Variants in RDX observed in about 807,000 individuals in gnomAD.
RDX encodes the protein radixin, also known as deafness, autosomal recessive 24.
In RDX, 32 loss-of-function variants were observed where a neutral mutation model predicts 83.7. That is an observed-to-expected ratio of 0.38 (90% CI 0.29 to 0.51). The LOEUF (loss-of-function observed/expected upper bound fraction) is 0.51. RDX is among the 20% of genes least tolerant of loss of function. RDX has a pLI of 0.87. For synonymous variants in RDX, 229 were observed against 222.7 expected, an observed-to-expected ratio of 1.03 and a Z score of -0.25; for missense variants, 600 against 689.9, an observed-to-expected ratio of 0.87 and a Z score of 1.46.
At chr11:110,269,307 G>A (rs879291664) in intron 3 of RDX, among the ~76,000 whole-genome samples, 10 of 152,022 alleles carry the variant, frequency 6.6e-5, no homozygotes, top group African/African-American at 1.2e-4. Context: ...TTCTTTCACC[G>A]TAACAGATGT....
Position 110,237,538 on chromosome 11 carries a change from G to C in RDX, c.1205C>G (p.Ala402Gly). 1 of 1,613,182 alleles carries C rather than the reference G, an allele frequency of 6.2e-7. No individual in the cohort carries two copies. Among genetic ancestry groups the C allele is most frequent in the South Asian group, 1.1e-5 (1 of 91,044 alleles). Reference protein sequence around the residue: ...ERRAAEEAKSAIAKQAADQMK... With the variant: ...ERRAAEEAKSGIAKQAADQMK... ...CTGGTCGGCAGCTTGTTTTGCTATGGCAGACTTTGCCTCTTCAGCAGCTCG... is the reference window on the plus strand; with the variant it reads ...CTGGTCGGCAGCTTGTTTTGCTATGCCAGACTTTGCCTCTTCAGCAGCTCG... Residue 402 changes from alanine to glycine, a missense_variant, in exon 11 of 14, where the codon GCC (alanine) becomes GGC (glycine). By Grantham distance (60) the Ala-to-Gly change is moderately conservative (BLOSUM62 0). Coordinates refer to ENST00000645495, the MANE Select transcript of RDX (RefSeq NM_002906.4).
chr11:110,289,599 G>A (rs1861130649), intron 1 of RDX, among the ~76,000 whole-genome samples: 1 of 151,992 alleles, frequency 6.6e-6, no homozygotes, highest in Admixed American at 6.6e-5. Flanking sequence ...GATTTTCTAT[G>A]TTCCCATTCT....
At chr11:110,234,977 C>G (rs1322470449) in intron 12 of RDX, among the ~76,000 whole-genome samples, 1 of 152,024 alleles carries the variant, frequency 6.6e-6, no homozygotes, top group African/African-American at 2.4e-5. Flanking sequence ...TATATTCCCC[C>G]ACTCTCCAAC....
chr11:110,215,074 C>T (rs933212118), intron 14 of RDX, among the ~76,000 whole-genome samples: 4 of 145,928 alleles, frequency 2.7e-5, no homozygotes, highest in African/African-American at 1.0e-4. Flanking sequence ...ATATATAATG[C>T]TTTCGGCTGG....
chr11:110,241,047 C>T (rs1865074874), intron 10 of RDX, among the ~76,000 whole-genome samples: 1 of 99,622 alleles, frequency 1.0e-5, no homozygotes, highest in Non-Finnish European at 1.9e-5. Context: ...CAGAGTGAGA[C>T]TCTGTCTCCA....
At chr11:110,192,802 A>G (rs534712928) in intron 15 of RDX, among the ~76,000 whole-genome samples, 1 of 152,278 alleles carries the variant, frequency 6.6e-6, no homozygotes, top group East Asian at 1.9e-4. Context: ...GCAAATCAAA[A>G]CCACAATGAG....
In RDX at chr11:110,231,737, C is replaced by G. The variant is rs1182716630; in HGVS notation, c.*132G>C. On this transcript the variant is annotated 3_prime_UTR_variant, in exon 14 of 14. Transcript: ENST00000645495. Reference sequence around the variant, plus strand: ...GTTGAAGAGCTCCCCTTAAATTTGTCTTTTAGCTAGCACAGTCAAACTGGT... The same window carrying G: ...GTTGAAGAGCTCCCCTTAAATTTGTGTTTTAGCTAGCACAGTCAAACTGGT... 1.0e-6 allele frequency: 1 copy of G among 983,386 alleles called. No homozygotes were observed. Among genetic ancestry groups the G allele is most frequent in the Admixed American group, 1.7e-5 (1 of 58,614 alleles). 60.9% of individuals were successfully genotyped at this position (983,386 alleles called of 1,614,324 possible).
chr11:110,272,229 T>G (rs975093571), intron 3 of RDX, among the ~76,000 whole-genome samples: 2 of 152,238 alleles, frequency 1.3e-5, no homozygotes, highest in Admixed American at 6.5e-5. Context: ...TTCCTACTCA[T>G]TTCACTCAAC....
intron 2 of RDX, among the ~76,000 whole-genome samples, chr11:110,275,684 T>G (rs1302200278): frequency 1.3e-5 from 2 of 152,184 alleles, no homozygotes; most frequent in African/African-American, 4.8e-5. Flanking sequence ...GTTCGTCATT[T>G]TACTTTCTCC....
intron 14 of RDX, among the ~76,000 whole-genome samples, chr11:110,203,792 A>T (rs1173204541): frequency 6.6e-6 from 1 of 152,178 alleles, no homozygotes; most frequent in African/African-American, 2.4e-5. Flanking sequence ...TGCGTTTAAT[A>T]AATTTAAAAC....
At chr11:110,261,317 T>C (rs1291559184) in intron 5 of RDX, among the ~76,000 whole-genome samples, 3 of 152,244 alleles carry the variant, frequency 2.0e-5, no homozygotes, top group Non-Finnish European at 4.4e-5. Context: ...ACCTGGTATG[T>C]AAAAGTTTAT....
chr11:110,283,583 G>A (rs922028122), intron 1 of RDX, among the ~76,000 whole-genome samples: 1 of 152,152 alleles, frequency 6.6e-6, no homozygotes, highest in Non-Finnish European at 1.5e-5. Context: ...AAAGAAAGGA[G>A]AAGCAGTGGC....
chr11:110,191,128 G>C (rs1863096958), intron 15 of RDX, among the ~76,000 whole-genome samples: 1 of 152,044 alleles, frequency 6.6e-6, no homozygotes, highest in Admixed American at 6.6e-5. Flanking sequence ...ACCTGGCAAA[G>C]ACACAACAAA....
In RDX at chr11:110,260,364, G is replaced by C. The variant is rs1591161418; in HGVS notation, c.468-2175C>G. ...AGTTCTCCTCATATTTGACCTCTTG[G>C]TACCATTTGGCAGTGCTGACCATTC... is the stretch of plus-strand genomic sequence containing the variant. On this transcript the variant is annotated intron_variant, in intron 5 of 13. Transcript: ENST00000645495. 3.3e-5 allele frequency among the ~76,000 whole-genome samples: 5 copies of C among 152,066 alleles called. No individual in the cohort carries two copies. The East Asian group carries it at 9.6e-4, about 29-fold the overall frequency.
chr11:110,257,465 CGAG>C (rs1389318827), intron 7 of RDX, among the ~76,000 whole-genome samples: 1 of 151,982 alleles, frequency 6.6e-6, no homozygotes, highest in Admixed American at 6.5e-5. Context: ...TCTCACCTAT[CGAG>C]GGAGCAAATT....
At chr11:110,281,360 G>A (rs1295581141) in intron 1 of RDX, among the ~76,000 whole-genome samples, 1 of 147,366 alleles carries the variant, frequency 6.8e-6, no homozygotes, top group Admixed American at 6.8e-5. Flanking sequence ...TCACTCTGTC[G>A]CCCAGGCTGG....
intron 2 of RDX, among the ~76,000 whole-genome samples, chr11:110,274,198 T>C (rs1401829607): frequency 6.6e-6 from 1 of 152,158 alleles, no homozygotes; most frequent in Non-Finnish European, 1.5e-5. Context: ...ATATAAACAA[T>C]GAAGAATAAT....
chr11:110,202,251 C>T lies in RDX; in HGVS notation c.1749-2573G>A, dbSNP rs534233790. Among the ~76,000 whole-genome samples the T allele has an allele frequency of 7.9e-5, 12 of 151,896 alleles. No homozygotes were observed. The South Asian group carries it at 1.5e-3, about 18-fold the overall frequency. ...CTCTACTAAAAATACAAAAATTACCCGAGCGTGGTGGCCTGCACCTGTAGT... is the reference window on the plus strand; with the variant it reads ...CTCTACTAAAAATACAAAAATTACCTGAGCGTGGTGGCCTGCACCTGTAGT... On this transcript the variant is annotated intron_variant, in intron 14 of 15. Coordinates refer to the RDX transcript ENST00000528498.
intron 1 of RDX, among the ~76,000 whole-genome samples, chr11:110,293,496 G>C (rs1168230899): frequency 6.6e-6 from 1 of 152,128 alleles, no homozygotes; most frequent in Non-Finnish European, 1.5e-5. Flanking sequence ...GAACTCTCTG[G>C]GGCCAGATTG....
Sources: allele counts gnomAD v4.1 joint callset (sites outside exome capture counted in the v4.1 genomes callset), GRCh38; gene constraint gnomAD v4.1.1; transcripts MANE v1.5; gene names NCBI Gene and HGNC (gene_info 2026-07-23, HGNC 2026-07-21).